Variants in RBM43 observed in about 807,000 individuals in gnomAD.
RBM43 encodes the protein RNA binding motif protein 43.
A neutral mutation model predicts 12.4 loss-of-function variants in RBM43; 12 were observed. The ratio of observed to expected loss-of-function variants is 0.97; its 90% confidence interval spans 0.62 to 1.57. The LOEUF is 1.57. RBM43 is among the 40% of genes most tolerant of loss of function. The probability of loss-of-function intolerance (pLI) is 0.00; values close to 1 mark genes in which losing one functional copy is unlikely to be tolerated. For missense variants in RBM43, 348 were observed against 400.1 expected (o/e 0.87, Z 1.11); for synonymous variants, 138 against 145.7 (o/e 0.95, Z 0.38).
At chr2:151,261,134 A>G (rs1184483054) in intron 1 of RBM43, 1 of 1,198,570 alleles carries the variant, frequency 8.3e-7, no homozygotes, top group Non-Finnish European at 1.1e-6. Flanking sequence ...AAGGCTTTTA[A>G]GCGATTGATG....
chr2:151,250,183 T>C lies in RBM43; in HGVS notation c.*723A>G, dbSNP rs899458022. ...ACGGAGTAAACACAAACTGTAAATG[T>C]TAAGAAATTGCCCATGGCATAATAA... On this transcript the variant is annotated 3_prime_UTR_variant, in exon 4 of 4. Coordinates refer to ENST00000331426, the MANE Select transcript of RBM43 (RefSeq NM_198557.3). 6.6e-6 allele frequency: 1 copy of C among 152,150 alleles called. No individual in the cohort carries two copies. Among genetic ancestry groups the C allele is most frequent in the Non-Finnish European group, 1.5e-5 (1 of 68,026 alleles). 9.4% of individuals were successfully genotyped at this position (152,150 alleles called of 1,614,324 possible).
Position 151,256,592 on chromosome 2 carries a change from G to T in RBM43, c.4-849C>A, listed in dbSNP as rs572877054. 2.0e-3 allele frequency among the ~76,000 whole-genome samples: 310 copies of T among 152,244 alleles called. 1 individual carries two copies. Among genetic ancestry groups the T allele is most frequent in the Admixed American group, 3.6e-3 (55 of 15,294 alleles). On this transcript the variant is annotated intron_variant, in intron 1 of 3. Coordinates refer to ENST00000331426, the MANE Select transcript of RBM43 (RefSeq NM_198557.3). ...CCAGCAGTTTGGGAGGCTGAAGCAG[G>T]CAGATCACCTGACATCAGGAGTTCC...
In RBM43 at chr2:151,252,797, A is replaced by G; in HGVS notation, c.273T>C (p.Ala91=). ...AGACTCTGAGAGAGACTGTGAGTTC[A>G]GCATGTCTAGTCTTCCTTGCTAGCC... ...KHWLARKTRH[A]ELTVSLRVSH... is the part of the protein sequence containing the mutation. The change falls in exon 3 of 4, where the codon GCT becomes GCC. Residue 91 remains alanine (A), a synonymous_variant. Transcript: ENST00000331426. 6.2e-7 allele frequency: 1 copy of G among 1,611,948 alleles called. No homozygotes were observed. The highest frequency in any genetic ancestry group is 8.5e-7 in the Non-Finnish European group (1 of 1,178,148).
intron 1 of RBM43, among the ~76,000 whole-genome samples, chr2:151,259,138 C>CCA (rs576743008): frequency 1.2e-4 from 17 of 140,358 alleles, no homozygotes; most frequent in South Asian, 2.3e-4. Context: ...ACTTCGTCCC[C>CCA]AAAAAAAAAA....
chr2:151,251,093 A>C lies in RBM43; in HGVS notation c.887T>G (p.Phe296Cys), dbSNP rs1252017162. 3.7e-6 allele frequency: 6 copies of C among 1,613,644 alleles called. No homozygotes were observed. In the Admixed American group the frequency reaches 1.0e-4, roughly 27 times the overall value. ...ALYLKLRKET[F>C]ILEGKENREK... Reference sequence around the variant, plus strand: ...TCTATTTTCCTTTCCTTCCAAAATAAATGTCTCTTTTCTAAGCTTTAAGTA... The same window carrying C: ...TCTATTTTCCTTTCCTTCCAAAATACATGTCTCTTTTCTAAGCTTTAAGTA... The change falls in exon 4 of 4, where the codon TTT (phenylalanine) becomes TGT (cysteine). Residue 296 changes from phenylalanine to cysteine, a missense_variant. Transcript: ENST00000331426.
At chr2:151,259,262 A>T (rs926390643) in intron 1 of RBM43, among the ~76,000 whole-genome samples, 1 of 152,250 alleles carries the variant, frequency 6.6e-6, no homozygotes, top group Non-Finnish European at 1.5e-5. Context: ...AAGGAGAAAA[A>T]GTAATCATAG....
intron 1 of RBM43, among the ~76,000 whole-genome samples, chr2:151,256,295 T>C (rs1487367218): frequency 3.3e-5 from 5 of 152,158 alleles, no homozygotes; most frequent in Admixed American, 6.5e-5. Flanking sequence ...TATTGGTTAA[T>C]ATTTGTCTGA....
At chr2:151,256,378 A>T (rs1682976699) in intron 1 of RBM43, among the ~76,000 whole-genome samples, 1 of 152,254 alleles carries the variant, frequency 6.6e-6, no homozygotes, top group African/African-American at 2.4e-5. Flanking sequence ...AAAATTTATT[A>T]ATTAAAAATA....
chr2:151,258,154 T>C (rs1278811759), intron 1 of RBM43, among the ~76,000 whole-genome samples: 1 of 151,584 alleles, frequency 6.6e-6, no homozygotes, highest in East Asian at 1.9e-4. Context: ...TAACTCAGAA[T>C]ATGCAAAAGG....
rs899005516 is a variant in RBM43 at position 151,249,280 on chromosome 2, G to T, written c.*1626C>A. The T allele has an allele frequency of 3.3e-5, 5 of 151,508 alleles. No individual in the cohort carries two copies. Among genetic ancestry groups the T allele is most frequent in the Non-Finnish European group, 7.4e-5 (5 of 67,944 alleles). 9.4% of individuals were successfully genotyped at this position (151,508 alleles called of 1,614,324 possible). A position where few individuals can be genotyped will look rare whatever the true frequency, so the allele number is the denominator to read the frequency against. On this transcript the variant is annotated 3_prime_UTR_variant, in exon 4 of 4. Coordinates refer to ENST00000331426, the MANE Select transcript of RBM43 (RefSeq NM_198557.3). ...CTAAATTTAATGTTTTGAGAAGAAA[G>T]AATTTCAATTCTAGGTGATCTTTAG...
At chr2:151,254,513 G>A (rs1233480190) in intron 2 of RBM43, among the ~76,000 whole-genome samples, 1 of 152,070 alleles carries the variant, frequency 6.6e-6, no homozygotes, top group Non-Finnish European at 1.5e-5. Flanking sequence ...TCTTTCTCTG[G>A]ACTCTGTCAT....
At chr2:151,261,564 T>TCCGGGGCCC in intron 1 of RBM43, 161 bp downstream of exon 1, 2 of 1,542,218 alleles carry the variant, frequency 1.3e-6, no homozygotes, top group Admixed American at 4.0e-5. Flanking sequence ...TGGACGGCTC[T>TCCGGGGCCC]CCGGGGCCCC....
At chr2:151,252,529 T>C (rs890154778) in intron 3 of RBM43, among the ~76,000 whole-genome samples, 15 of 152,182 alleles carry the variant, frequency 9.9e-5, no homozygotes, top group Non-Finnish European at 2.2e-4. Context: ...AATATACACT[T>C]TGTAAAATAA....
In RBM43 at chr2:151,259,003, C is replaced by T. The variant is rs548153228; in HGVS notation, c.3+2722G>A. Among the ~76,000 whole-genome samples the T allele has an allele frequency of 1.8e-4, 28 of 151,752 alleles. No homozygotes were observed. In the East Asian group the frequency reaches 2.9e-3, roughly 16 times the overall value. ...ACTAAAACTACAAAAATTAGCTGGG[C>T]GTGGTGGCACATGCCTGTAGTCCCA... is the stretch of plus-strand genomic sequence containing the variant. On this transcript the variant is annotated intron_variant, in intron 1 of 3. Transcript: ENST00000331426.
At chr2:151,261,548 C>G in intron 1 of RBM43, 177 bp downstream of exon 1, 1 of 1,544,460 alleles carries the variant, frequency 6.5e-7, no homozygotes, top group Non-Finnish European at 8.7e-7. Context: ...AGTTTGCCCG[C>G]CGGGGTGGAC....
At chr2:151,255,778 A>G (rs1682964910) in intron 1 of RBM43, 35 bp from the exon 2 acceptor site, 1 of 1,382,788 alleles carries the variant, frequency 7.2e-7, no homozygotes, top group African/African-American at 1.4e-5. Flanking sequence ...CTTTAAAAAC[A>G]CAAGACTCTA....
intron 1 of RBM43, among the ~76,000 whole-genome samples, chr2:151,260,022 T>C (rs926242389): frequency 2.6e-5 from 4 of 151,050 alleles, no homozygotes; most frequent in Non-Finnish European, 5.9e-5. Context: ...TCAGCCACCA[T>C]GCCCGACTAA....
At position 151,251,156 on chromosome 2, in the gene RBM43, T is replaced by C. The variant is rs1028152641; in HGVS notation, c.824A>G (p.His275Arg). Residue 275 changes from histidine to arginine, a missense_variant, in exon 4 of 4, where the codon CAT becomes CGT. Transcript: ENST00000331426. ...CCATTCCTCAATGAGCTCTTTTACA[T>C]GTTTTGCATTGTTTGGCTGAGAACC... ...QVGSQPNNAK[H>R]VKELIEEWSH... 8.7e-6 allele frequency: 14 copies of C among 1,613,852 alleles called. No homozygotes were observed. The highest frequency in any genetic ancestry group is 2.7e-5 in the African/African-American group (2 of 74,918).
rs1475867190 is a variant in RBM43, at chr2:151,261,808, G to A, written c.-81C>T. The A allele has an allele frequency of 1.3e-6, 2 of 1,485,562 alleles. No homozygotes were observed. The highest frequency in any genetic ancestry group is 9.0e-7 in the Non-Finnish European group (1 of 1,114,372). The allele number at this position is 1,485,562 out of a possible 1,614,324, so 92.0% of individuals were successfully genotyped here. On this transcript the variant is annotated 5_prime_UTR_variant, in exon 1 of 4. Transcript: ENST00000331426. Reference sequence around the variant, plus strand: ...CAGGCGATGGGGAGAGGAGCGAGCAGGCAGGTTTTGGTTTCGTTTTTTGTT... The same window carrying A: ...CAGGCGATGGGGAGAGGAGCGAGCAAGCAGGTTTTGGTTTCGTTTTTTGTT...
Sources: allele counts gnomAD v4.1 joint callset (sites outside exome capture counted in the v4.1 genomes callset), GRCh38; gene constraint gnomAD v4.1.1; transcripts MANE v1.5; gene names NCBI Gene and HGNC (gene_info 2026-07-23, HGNC 2026-07-21).